CACNG5: variants seen among roughly 807,000 people sequenced by gnomAD.
The protein encoded by CACNG5 is voltage-dependent calcium channel gamma-5 subunit.
In CACNG5, 18 loss-of-function variants were observed where a neutral mutation model predicts 24.8. The observed-to-expected ratio is 0.73, with a 90% CI of 0.50 to 1.08. CACNG5 has a LOEUF of 1.08. Ranked by LOEUF, CACNG5 falls within the 50% of genes least tolerant of loss-of-function variation. The probability of loss-of-function intolerance (pLI) is 0.00; values close to 1 mark genes in which losing one functional copy is unlikely to be tolerated. For missense variants in CACNG5, 349 were observed against 367.9 expected (o/e 0.95, Z 0.42); for synonymous variants, 157 against 149.1 (o/e 1.05, Z -0.39).
At chr17:66,880,768 G>C in intron 4 of CACNG5, 71 bp downstream of exon 4, 1 of 1,562,802 alleles carries the variant, frequency 6.4e-7, no homozygotes, top group South Asian at 1.2e-5. Context: ...TTGAGACAGA[G>C]TCTTGCTCTG....
chr17:66,869,063 G>A (rs1295948795), intron 1 of CACNG5, among the ~76,000 whole-genome samples: 2 of 152,042 alleles, frequency 1.3e-5, no homozygotes, highest in Non-Finnish European at 2.9e-5. Flanking sequence ...TTGGGTATCA[G>A]GTTGTGCTTC....
intron 1 of CACNG5, among the ~76,000 whole-genome samples, chr17:66,876,571 G>A (rs1189843400): frequency 6.6e-6 from 1 of 152,240 alleles, no homozygotes; most frequent in African/African-American, 2.4e-5. Flanking sequence ...TTCTGATTAG[G>A]TGGATTTAGG....
intron 1 of CACNG5, among the ~76,000 whole-genome samples, chr17:66,854,147 A>G (rs1033427053): frequency 2.6e-5 from 4 of 152,170 alleles, no homozygotes; most frequent in African/African-American, 9.6e-5. Context: ...AAAAGTGAAA[A>G]GGCCGGGTGC....
intron 1 of CACNG5, among the ~76,000 whole-genome samples, chr17:66,858,371 GC>G (rs969921978): frequency 1.5e-4 from 23 of 152,246 alleles, no homozygotes; most frequent in African/African-American, 5.5e-4. Context: ...TAGCAGCTCT[GC>G]AGAGGGACAG....
At chr17:66,875,358 C>A (rs564730461) in intron 1 of CACNG5, among the ~76,000 whole-genome samples, 15 of 152,306 alleles carry the variant, frequency 9.8e-5, no homozygotes, top group African/African-American at 3.6e-4. Context: ...ATCATTGTGG[C>A]TTAAAGCCCT....
intron 1 of CACNG5, among the ~76,000 whole-genome samples, chr17:66,843,455 T>C (rs1238762524): frequency 6.6e-6 from 1 of 152,208 alleles, no homozygotes; most frequent in African/African-American, 2.4e-5. Context: ...TGGCAGAATG[T>C]TTGGGAAATG....
In CACNG5 at chr17:66,886,598, GC is replaced by G. The variant is rs771578617; in HGVS notation, c.*1361del. ...AAGCAATGCTGTGTGTCGCTGCTGT[GC>G]CCGCTCTCTCCTTGCCCTCTTTAAG... On this transcript the variant is annotated 3_prime_UTR_variant, in exon 6 of 6. Coordinates refer to ENST00000533854, the MANE Select transcript of CACNG5 (RefSeq NM_145811.3). 6.6e-6 allele frequency among the ~76,000 whole-genome samples: 1 copy of G among 152,142 alleles called. No homozygotes were observed. The highest frequency in any genetic ancestry group is 1.5e-5 in the Non-Finnish European group (1 of 68,028).
rs575239044 is a variant in CACNG5 at position 66,851,158 on chromosome 17, G to T, written c.-104+15908G>T. 5.3e-5 allele frequency among the ~76,000 whole-genome samples: 8 copies of T among 152,188 alleles called. No individual in the cohort carries two copies. In the East Asian group the frequency reaches 1.5e-3, roughly 29 times the overall value. On this transcript the variant is annotated intron_variant, in intron 1 of 5. Coordinates refer to ENST00000533854, the MANE Select transcript of CACNG5 (RefSeq NM_145811.3). ...AGATTCTCTAGGAAGGTGGAGGAGGGTCTCCTCCAAAAAAAACAAAGACCG... is the reference window on the plus strand; with the variant it reads ...AGATTCTCTAGGAAGGTGGAGGAGGTTCTCCTCCAAAAAAAACAAAGACCG...
chr17:66,882,520 A>G (rs1392700829), intron 4 of CACNG5, among the ~76,000 whole-genome samples: 1 of 151,990 alleles, frequency 6.6e-6, no homozygotes, highest in African/African-American at 2.4e-5. Flanking sequence ...TAGAGTGAGA[A>G]GGGGAAAGAA....
intron 1 of CACNG5, among the ~76,000 whole-genome samples, chr17:66,856,137 A>C (rs1272266371): frequency 1.3e-5 from 2 of 152,222 alleles, no homozygotes; most frequent in Admixed American, 6.5e-5. Flanking sequence ...CAGTGAATCA[A>C]CATTTTTGTG....
chr17:66,844,191 T>A (rs544217766), intron 1 of CACNG5, among the ~76,000 whole-genome samples: 1 of 152,230 alleles, frequency 6.6e-6, no homozygotes, highest in African/African-American at 2.4e-5. Flanking sequence ...CTAATCCTTA[T>A]GAGGTACACC....
intron 1 of CACNG5, among the ~76,000 whole-genome samples, chr17:66,836,077 A>C (rs1003222148): frequency 1.3e-5 from 2 of 152,200 alleles, no homozygotes; most frequent in African/African-American, 4.8e-5. Context: ...GGGAGGAAAG[A>C]AGCTCATATT....
At chr17:66,878,928 C>T (rs1227767634) in intron 2 of CACNG5, 44 bp from the exon 3 acceptor site, 1 of 1,494,874 alleles carries the variant, frequency 6.7e-7, no homozygotes, top group Admixed American at 1.7e-5. Context: ...AACTTCAAAT[C>T]CATGTTCAAG....
At chr17:66,858,495 C>T (rs963568168) in intron 1 of CACNG5, among the ~76,000 whole-genome samples, 2 of 152,182 alleles carry the variant, frequency 1.3e-5, no homozygotes, top group Non-Finnish European at 2.9e-5. Context: ...CCACCCGCCA[C>T]GCTCTCCCCA....
At chr17:66,884,790 C>T in intron 5 of CACNG5, 129 bp downstream of exon 5, 1 of 1,613,426 alleles carries the variant, frequency 6.2e-7, no homozygotes. Flanking sequence ...CACTCTACTT[C>T]CCTTCCTCAT....
rs754610831 is a variant in CACNG5, at chr17:66,885,166, C to T, written c.754C>T (p.Leu252=). Residue 252 remains leucine, a synonymous_variant, in exon 6 of 6, where the codon CTG becomes TTG. Coordinates refer to ENST00000533854, the MANE Select transcript of CACNG5 (RefSeq NM_145811.3). ...CTCCGACATCTCCAGCGAGGCCTCC[C>T]TGCAGATGAACAGCAACTACCCCGC... The part of the protein sequence containing the change: ...SPSDISSEAS[L]QMNSNYPALL... The T allele has an allele frequency of 1.9e-6, 3 of 1,612,630 alleles. No homozygotes were observed. The highest frequency in any genetic ancestry group is 2.2e-5 in the East Asian group (1 of 44,890).
Position 66,887,967 on chromosome 17 carries a change from A to G in CACNG5, c.*2727A>G, listed in dbSNP as rs1237523409. Reference sequence around the variant, plus strand: ...AATCAGGAGACTTTTACCAAACGTTAACATGTACAAACTCAACTCAGAAAT... The same window carrying G: ...AATCAGGAGACTTTTACCAAACGTTGACATGTACAAACTCAACTCAGAAAT... On this transcript the variant is annotated 3_prime_UTR_variant, in exon 6 of 6. Transcript: ENST00000533854. Among the ~76,000 whole-genome samples, 2 of 152,150 alleles carry G rather than the reference A, an allele frequency of 1.3e-5. No homozygotes were observed. Among genetic ancestry groups the G allele is most frequent in the East Asian group, 1.9e-4 (1 of 5,178 alleles).
chr17:66,885,201 G>T lies in CACNG5; in HGVS notation c.789G>T (p.Lys263Asn), dbSNP rs1011312824. 1.2e-6 allele frequency: 2 copies of T among 1,605,038 alleles called. No homozygotes were observed. The highest frequency in any genetic ancestry group is 1.7e-6 in the Non-Finnish European group (2 of 1,178,830). ...QMNSNYPALLKCPDYDQMSSS... is the reference protein window; with the variant it reads ...QMNSNYPALLNCPDYDQMSSS... ...ACAGCAACTACCCCGCCTTGCTCAAGTGCCCCGACTATGATCAGATGTCCT... is the reference window on the plus strand; with the variant it reads ...ACAGCAACTACCCCGCCTTGCTCAATTGCCCCGACTATGATCAGATGTCCT... Residue 263 changes from lysine to asparagine, a missense_variant, in exon 6 of 6, where the codon AAG (lysine) becomes AAT (asparagine). By Grantham distance (94) the Lys-to-Asn change is moderately conservative. Coordinates refer to ENST00000533854, the MANE Select transcript of CACNG5 (RefSeq NM_145811.3).
chr17:66,839,240 G>A (rs1035644606), intron 1 of CACNG5, among the ~76,000 whole-genome samples: 4 of 151,794 alleles, frequency 2.6e-5, no homozygotes, highest in Non-Finnish European at 2.9e-5. Flanking sequence ...GATTACAGGC[G>A]TGAGCCACCA....
Sources: gnomAD v4.1 joint callset for allele counts (sites outside exome capture counted in the v4.1 genomes callset) on GRCh38, gnomAD v4.1.1 for gene constraint, MANE v1.5 for transcripts, NCBI Gene and HGNC (gene_info 2026-07-23, HGNC 2026-07-21) for gene names.